ARHGAP26: variants seen among roughly 807,000 people sequenced by gnomAD.
The protein encoded by ARHGAP26 is Rho GTPase activating protein 26, also known as rho GTPase-activating protein 26.
In ARHGAP26, 38 loss-of-function variants were observed where a neutral mutation model predicts 104.8. The ratio of observed to expected loss-of-function variants is 0.36; its 90% CI spans 0.28 to 0.48. The LOEUF is 0.48. Ranked by LOEUF, ARHGAP26 falls within the 20% of genes least tolerant of loss-of-function variation. ARHGAP26 has a pLI of 0.99. For synonymous variants in ARHGAP26, 341 were observed against 340.0 expected (o/e 1.00, Z -0.03); for missense variants, 704 against 947.9 (o/e 0.74, Z 3.38).
At chr5:142,950,263 A>G (rs1768105002) in intron 11 of ARHGAP26, among the ~76,000 whole-genome samples, 1 of 152,122 alleles carries the variant, frequency 6.6e-6, no homozygotes, top group Non-Finnish European at 1.5e-5. Context: ...ACCCACATGC[A>G]TTTGAGGGAT....
intron 17 of ARHGAP26, among the ~76,000 whole-genome samples, chr5:143,110,540 CA>C (rs1325117469): frequency 6.6e-6 from 1 of 152,198 alleles, no homozygotes; most frequent in Non-Finnish European, 1.5e-5. Flanking sequence ...CCGGCATTTG[CA>C]GCACTTGGTA....
In ARHGAP26 at chr5:143,134,003, G is replaced by C. The variant is rs138201954; in HGVS notation, c.1735G>C (p.Ala579Pro). Residue 579 changes from alanine to proline, a missense_variant, in exon 19 of 23, where the codon GCC becomes CCC. Ala to Pro is a conservative substitution (Grantham distance 27). This residue lies in a region of ARHGAP26 where 217 missense variants were observed against 242.6 expected (regional missense o/e 0.89). Coordinates refer to ENST00000645722, the MANE Select transcript of ARHGAP26 (RefSeq NM_001135608.3). ...CGTGCCCGATATGCCTCTCACCAAT[G>C]CCCAGCTGCACCTGTCTCGGAAGAA... is the stretch of plus-strand genomic sequence containing the variant. ...NTVPDMPLTN[A>P]QLHLSRKKSS... The C allele has an allele frequency of 3.3e-5, 54 of 1,612,684 alleles. No individual in the cohort carries two copies. The highest frequency in any genetic ancestry group is 2.7e-4 in the African/African-American group (20 of 74,962).
intron 1 of ARHGAP26, among the ~76,000 whole-genome samples, chr5:142,838,738 A>G (rs1770119656): frequency 1.3e-5 from 2 of 152,252 alleles, no homozygotes; most frequent in South Asian, 4.1e-4. Flanking sequence ...ACTTGTGTCT[A>G]GTAGTCATGT....
intron 11 of ARHGAP26, among the ~76,000 whole-genome samples, chr5:142,978,235 T>G (rs1252473285): frequency 6.6e-6 from 1 of 152,158 alleles, no homozygotes; most frequent in Non-Finnish European, 1.5e-5. Flanking sequence ...TAGGTCATGG[T>G]CAAAGCATGT....
intron 1 of ARHGAP26, among the ~76,000 whole-genome samples, chr5:142,861,714 C>G (rs1597961302): frequency 6.6e-6 from 1 of 152,152 alleles, no homozygotes; most frequent in South Asian, 2.1e-4. Flanking sequence ...CCGGCCAGGC[C>G]CTGTGCTAAG....
At chr5:142,849,020 C>T (rs1032904777) in intron 1 of ARHGAP26, among the ~76,000 whole-genome samples, 1 of 152,162 alleles carries the variant, frequency 6.6e-6, no homozygotes, top group Non-Finnish European at 1.5e-5. Context: ...TACTGGAAGT[C>T]TCTTCCATGT....
chr5:142,823,841 C>T (rs1766687378), intron 1 of ARHGAP26, among the ~76,000 whole-genome samples: 1 of 152,166 alleles, frequency 6.6e-6, no homozygotes, highest in Admixed American at 6.5e-5. Context: ...CTTCTGTCTA[C>T]CACTGCTTTG....
At chr5:142,883,596 T>C (rs1024826418) in intron 4 of ARHGAP26, among the ~76,000 whole-genome samples, 5 of 152,254 alleles carry the variant, frequency 3.3e-5, no homozygotes, top group Non-Finnish European at 5.9e-5. Flanking sequence ...ATAGCGGAGC[T>C]TGTTAGGGCT....
At chr5:142,987,459 C>T (rs901046570) in intron 11 of ARHGAP26, among the ~76,000 whole-genome samples, 3 of 152,198 alleles carry the variant, frequency 2.0e-5, no homozygotes, top group African/African-American at 7.2e-5. Flanking sequence ...AATTTGACTT[C>T]CTCTTTTCCT....
intron 12 of ARHGAP26, among the ~76,000 whole-genome samples, chr5:143,018,580 A>G (rs192577734): frequency 6.6e-6 from 1 of 152,326 alleles, no homozygotes; most frequent in Admixed American, 6.5e-5. Context: ...TTTCCTATCA[A>G]CATCTACTAA....
intron 11 of ARHGAP26, among the ~76,000 whole-genome samples, chr5:142,942,969 C>G (rs1035216908): frequency 3.1e-4 from 47 of 152,272 alleles, no homozygotes; most frequent in Admixed American, 1.1e-3. Flanking sequence ...TTAGGAGAGA[C>G]GAGGTTTCAA....
In ARHGAP26 at chr5:143,196,109, C is replaced by T. The variant is rs56868806; in HGVS notation, c.1989-11089C>T. Among the ~76,000 whole-genome samples the T allele has an allele frequency of 6.6e-5, 10 of 151,994 alleles. No individual in the cohort carries two copies. In the South Asian group the frequency reaches 8.3e-4, roughly 13 times the overall value. On this transcript the variant is annotated intron_variant, in intron 20 of 22. Coordinates refer to ENST00000645722, the MANE Select transcript of ARHGAP26 (RefSeq NM_001135608.3). ...AAAAAGTACATGAAATATAAATGTA[C>T]GTCTTAACAAATTATTATTTAGCAA...
chr5:142,793,972 G>C (rs1760423057), intron 1 of ARHGAP26, among the ~76,000 whole-genome samples: 1 of 152,180 alleles, frequency 6.6e-6, no homozygotes, highest in Admixed American at 6.5e-5. Context: ...AGGGAGAGAA[G>C]AACCAATCCA....
intron 1 of ARHGAP26, among the ~76,000 whole-genome samples, chr5:142,815,764 C>G (rs12659987): frequency 0.026 from 4,027 of 152,198 alleles, 134 homozygotes; most frequent in East Asian, 0.13. Context: ...CCCCGGCTAG[C>G]CTTCCTGGTC....
intron 10 of ARHGAP26, chr5:142,919,421 G>A (rs1196592891): frequency 3.8e-5 from 15 of 398,454 alleles, no homozygotes. Flanking sequence ...GACCTGTGAA[G>A]CAATAAATTT....
chr5:142,828,085 G>A (rs1171497378), intron 1 of ARHGAP26, among the ~76,000 whole-genome samples: 1 of 152,166 alleles, frequency 6.6e-6, no homozygotes, highest in Non-Finnish European at 1.5e-5. Flanking sequence ...TGCTTTGTGA[G>A]TTTCCCTGGA....
intron 1 of ARHGAP26, among the ~76,000 whole-genome samples, chr5:142,802,431 G>A (rs1026252178): frequency 6.6e-6 from 1 of 152,170 alleles, no homozygotes; most frequent in Non-Finnish European, 1.5e-5. Context: ...ATTGTCGGTA[G>A]GTTCTTGGAA....
intron 1 of ARHGAP26, among the ~76,000 whole-genome samples, chr5:142,828,704 T>G (rs1002468726): frequency 1.3e-5 from 2 of 152,140 alleles, no homozygotes; most frequent in South Asian, 2.1e-4. Flanking sequence ...ACTGGGGTAG[T>G]CTGGTTTGGC....
At chr5:142,976,179 A>T (rs900669579) in intron 11 of ARHGAP26, among the ~76,000 whole-genome samples, 4 of 152,256 alleles carry the variant, frequency 2.6e-5, no homozygotes, top group African/African-American at 4.8e-5. Context: ...GCTCTTTCCC[A>T]TGAAGGATTC....
Sources: gnomAD v4.1 joint callset for allele counts (sites outside exome capture counted in the v4.1 genomes callset) on GRCh38, gnomAD v4.1.1 for gene constraint, gnomAD v4.1.1 regional missense constraint, MANE v1.5 for transcripts, NCBI Gene and HGNC (gene_info 2026-07-23, HGNC 2026-07-21) for gene names.